Variants in GALNT17 observed in about 807,000 individuals in gnomAD.
GALNT17 encodes the protein UDP-GalNAc:polypeptide N-acetylgalactosaminyltransferase-like 3.
In GALNT17, 29 loss-of-function variants were observed where a neutral mutation model predicts 63.7. The observed-to-expected ratio is 0.46, with a 90% CI of 0.34 to 0.62. GALNT17 has a LOEUF of 0.62. Ranked by LOEUF, GALNT17 falls within the 20% of genes least tolerant of loss-of-function variation. The pLI is 0.01. For missense variants in GALNT17, 603 were observed against 799.6 expected, an observed-to-expected ratio of 0.75 and a Z score of 2.97; for synonymous variants, 305 against 318.3, an observed-to-expected ratio of 0.96 and a Z score of 0.45.
chr7:71,435,772 C>A (rs1786948854), intron 5 of GALNT17, among the ~76,000 whole-genome samples: 1 of 152,156 alleles, frequency 6.6e-6, no homozygotes, highest in South Asian at 2.1e-4. Flanking sequence ...GTAATCCCAG[C>A]ACTTTGGGAG....
chr7:71,143,640 T>G (rs1295626142), intron 1 of GALNT17, among the ~76,000 whole-genome samples: 1 of 152,004 alleles, frequency 6.6e-6, no homozygotes, highest in African/African-American at 2.4e-5. Flanking sequence ...TGGACTTAAT[T>G]GCATAGGCTT....
intron 1 of GALNT17, among the ~76,000 whole-genome samples, chr7:71,202,499 G>A (rs568033545): frequency 2.4e-4 from 36 of 152,170 alleles, no homozygotes; most frequent in African/African-American, 7.0e-4. Context: ...TTTTTAAAAT[G>A]TAGTTGAATC....
intron 2 of GALNT17, among the ~76,000 whole-genome samples, chr7:71,341,972 C>G (rs180924596): frequency 4.7e-4 from 72 of 152,264 alleles, no homozygotes; most frequent in Middle Eastern, 3.4e-3. Flanking sequence ...AGGTATGTCT[C>G]TAAAGGAGGT....
chr7:71,145,825 C>A (rs996700966), intron 1 of GALNT17, among the ~76,000 whole-genome samples: 1 of 152,120 alleles, frequency 6.6e-6, no homozygotes, highest in African/African-American at 2.4e-5. Context: ...CCTGCCTCAG[C>A]CTGCTGAGTA....
intron 5 of GALNT17, among the ~76,000 whole-genome samples, chr7:71,427,499 A>G (rs1223631104): frequency 1.3e-5 from 2 of 149,960 alleles, no homozygotes; most frequent in Non-Finnish European, 3.0e-5. Flanking sequence ...GGAAATCTGA[A>G]CCTCCAGGTT....
At position 71,643,335 on chromosome 7, in the gene GALNT17, G is replaced by C. The variant is rs1462707316; in HGVS notation, c.1081-22076G>C. ...ATACAAAACTTAGGTGGGCGTGGTGGCGTGTGCCTGTAATCCCAGCTACTC... is the reference window on the plus strand; with the variant it reads ...ATACAAAACTTAGGTGGGCGTGGTGCCGTGTGCCTGTAATCCCAGCTACTC... On this transcript the variant is annotated intron_variant, in intron 6 of 10. Coordinates refer to ENST00000333538, the MANE Select transcript of GALNT17 (RefSeq NM_022479.3). Among the ~76,000 whole-genome samples, 4 of 152,108 alleles carry C rather than the reference G, an allele frequency of 2.6e-5. No homozygotes were observed. In the East Asian group the frequency reaches 7.7e-4, roughly 29 times the overall value.
chr7:71,494,326 C>A (rs146845237), intron 5 of GALNT17, among the ~76,000 whole-genome samples: 8 of 151,984 alleles, frequency 5.3e-5, no homozygotes, highest in African/African-American at 1.9e-4. Flanking sequence ...GATTATAATT[C>A]GATAAGAGAT....
At chr7:71,615,870 C>T (rs1790194211) in intron 6 of GALNT17, among the ~76,000 whole-genome samples, 2 of 152,144 alleles carry the variant, frequency 1.3e-5, no homozygotes, top group Admixed American at 6.5e-5. Context: ...GCTTAGCCTC[C>T]ACTCGGCTTG....
intron 1 of GALNT17, among the ~76,000 whole-genome samples, chr7:71,318,522 C>T (rs559071320): frequency 2.6e-4 from 39 of 150,060 alleles, no homozygotes; most frequent in Admixed American, 4.7e-4. Flanking sequence ...TGGGTTCAAG[C>T]GACTCTCCTG....
chr7:71,347,999 G>A (rs1792125102), intron 2 of GALNT17, among the ~76,000 whole-genome samples: 1 of 152,114 alleles, frequency 6.6e-6, no homozygotes, highest in Admixed American at 6.5e-5. Flanking sequence ...TACATTTTAT[G>A]TCTGTAATCC....
At chr7:71,201,940 G>A (rs186371620) in intron 1 of GALNT17, among the ~76,000 whole-genome samples, 3 of 152,216 alleles carry the variant, frequency 2.0e-5, no homozygotes, top group East Asian at 3.9e-4. Flanking sequence ...GCCTACTTTG[G>A]CAGTTAAATT....
rs147098272 is a variant in GALNT17 at position 71,551,998 on chromosome 7, T to A, written c.963-19287T>A. Among the ~76,000 whole-genome samples, 220 of 141,710 alleles carry A rather than the reference T, an allele frequency of 1.6e-3. 1 individual carries two copies. The highest frequency in any genetic ancestry group is 5.6e-3 in the African/African-American group (215 of 38,536). 93.0% of individuals were successfully genotyped at this position (141,710 alleles called of 152,430 possible). ...TTTGGGAGAGAGGCCAGGTTGACTT[T>A]CAGGTTGCTCTTTTTATTTATTTAT... is the stretch of plus-strand genomic sequence containing the variant. On this transcript the variant is annotated intron_variant, in intron 5 of 10. Transcript: ENST00000333538.
rs1790971178 is a variant in GALNT17 at position 71,665,487 on chromosome 7, A to G, written c.1157A>G (p.Tyr386Cys). 1 of 1,613,696 alleles carries G rather than the reference A, an allele frequency of 6.2e-7. No homozygotes were observed. The highest frequency in any genetic ancestry group is 1.3e-5 in the African/African-American group (1 of 74,864). Residue 386 changes from tyrosine (Y) to cysteine (C), a missense_variant, in exon 7 of 11, where the codon TAT becomes TGT. This residue lies in a region of GALNT17 where 336 missense variants were observed against 507.8 expected (regional missense o/e 0.66). Transcript: ENST00000333538. ...VAHIERKKKPYNSNIGFYTKR... is the reference protein window; with the variant it reads ...VAHIERKKKPCNSNIGFYTKR... ...CACATTGAGCGGAAGAAGAAGCCAT[A>G]TAATAGCAACATTGGCTTCTACACC...
At chr7:71,618,937 G>C (rs531253544) in intron 6 of GALNT17, among the ~76,000 whole-genome samples, 1 of 152,198 alleles carries the variant, frequency 6.6e-6, no homozygotes, top group Admixed American at 6.5e-5. Flanking sequence ...GATTTTTATT[G>C]TTTGAGGTCT....
intron 2 of GALNT17, among the ~76,000 whole-genome samples, chr7:71,358,886 GC>G: frequency 6.6e-6 from 1 of 151,782 alleles, no homozygotes; most frequent in East Asian, 1.9e-4. Flanking sequence ...TGATTCTCCT[GC>G]CTCAGACTCC....
At chr7:71,252,852 T>G (rs973176183) in intron 1 of GALNT17, among the ~76,000 whole-genome samples, 9 of 152,220 alleles carry the variant, frequency 5.9e-5, no homozygotes, top group African/African-American at 2.2e-4. Flanking sequence ...GAGGAAATTC[T>G]TTGTGGGCTC....
intron 5 of GALNT17, among the ~76,000 whole-genome samples, chr7:71,488,335 A>G (rs1787947520): frequency 6.6e-6 from 1 of 152,106 alleles, no homozygotes; most frequent in African/African-American, 2.4e-5. Flanking sequence ...CCAGCATCCC[A>G]TCTGCCTGGA....
intron 5 of GALNT17, among the ~76,000 whole-genome samples, chr7:71,555,912 A>G (rs896936448): frequency 5.9e-5 from 9 of 152,332 alleles, no homozygotes; most frequent in African/African-American, 2.2e-4. Context: ...CTTAGGGACT[A>G]TTGCTTCAGC....
chr7:71,289,992 C>T (rs115535969), intron 1 of GALNT17, among the ~76,000 whole-genome samples: 26 of 152,198 alleles, frequency 1.7e-4, no homozygotes, highest in African/African-American at 6.0e-4. Flanking sequence ...TTGCAGTGAG[C>T]TGACATAGCG....
Sources: gnomAD v4.1 joint callset for allele counts (sites outside exome capture counted in the v4.1 genomes callset) on GRCh38, gnomAD v4.1.1 for gene constraint, gnomAD v4.1.1 regional missense constraint, MANE v1.5 for transcripts, NCBI Gene and HGNC (gene_info 2026-07-23, HGNC 2026-07-21) for gene names.